BAZ2B: variants seen among roughly 807,000 people sequenced by gnomAD.
BAZ2B encodes the protein bromodomain adjacent to zinc finger domain 2B.
In BAZ2B, 91 loss-of-function variants were observed where a neutral mutation model predicts 246.0. That is an observed-to-expected ratio of 0.37 (90% confidence interval 0.31 to 0.44). BAZ2B has a LOEUF of 0.44. Among genes scored for constraint, BAZ2B ranks in the 20% least tolerant of loss-of-function variants. The pLI is 1.00. For synonymous variants in BAZ2B, 855 were observed against 860.0 expected, an observed-to-expected ratio of 0.99 and a Z score of 0.10; for missense variants, 2,332 against 2,533.7, an observed-to-expected ratio of 0.92 and a Z score of 1.71.
chr2:159,368,190 G>T (rs1410163034), intron 27 of BAZ2B, among the ~76,000 whole-genome samples: 1 of 152,144 alleles, frequency 6.6e-6, no homozygotes, highest in East Asian at 1.9e-4. Context: ...GAGTAACTGA[G>T]ATTACAGGTG....
chr2:159,332,725 C>T (rs779259228), intron 33 of BAZ2B, 39 bp from the exon 34 acceptor site: 2 of 1,603,320 alleles, frequency 1.2e-6, no homozygotes, highest in South Asian at 1.1e-5. Flanking sequence ...TAACGCTCTG[C>T]CATGAATAAT....
At chr2:159,338,176 TC>T (rs2065980071) in intron 31 of BAZ2B, among the ~76,000 whole-genome samples, 4 of 152,282 alleles carry the variant, frequency 2.6e-5, no homozygotes, top group Admixed American at 2.6e-4. Context: ...TCACCATTTT[TC>T]CTTTGACTGC....
intron 13 of BAZ2B, among the ~76,000 whole-genome samples, chr2:159,421,912 A>G (rs2068831466): frequency 6.6e-6 from 1 of 152,174 alleles, no homozygotes; most frequent in African/African-American, 2.4e-5. Flanking sequence ...AAAAATCAAT[A>G]TACAAAAATC....
At chr2:159,642,039 T>C in the BAZ2B span, among the ~76,000 whole-genome samples, 1 of 152,088 alleles carries the variant, frequency 6.6e-6, no homozygotes, top group Non-Finnish European at 1.5e-5. Context: ...ATTTTTCTAT[T>C]TTAGTTTGCA....
the BAZ2B span, among the ~76,000 whole-genome samples, chr2:159,688,130 C>G: frequency 6.6e-6 from 1 of 152,148 alleles, no homozygotes; most frequent in Non-Finnish European, 1.5e-5. Flanking sequence ...ACCTTGATCT[C>G]CCTGACTCAA....
intron 19 of BAZ2B, 92 bp downstream of exon 19, chr2:159,397,253 A>T: frequency 7.8e-7 from 1 of 1,275,076 alleles, no homozygotes; most frequent in Non-Finnish European, 1.1e-6. Flanking sequence ...CAGAAATTTT[A>T]AAGAAAATAT....
intron 1 of BAZ2B, among the ~76,000 whole-genome samples, chr2:159,582,648 G>C (rs1281688605): frequency 6.6e-6 from 1 of 152,118 alleles, no homozygotes; most frequent in Non-Finnish European, 1.5e-5. Context: ...GCCTCCCAAA[G>C]TGCTGGGATT....
the BAZ2B span, among the ~76,000 whole-genome samples, chr2:159,629,782 C>T: frequency 6.6e-6 from 1 of 151,838 alleles, no homozygotes; most frequent in South Asian, 2.1e-4. Flanking sequence ...ACATAACAAA[C>T]CTGCACATTC....
intron 2 of BAZ2B, among the ~76,000 whole-genome samples, chr2:159,528,330 A>G (rs1215040839): frequency 6.6e-6 from 1 of 152,112 alleles, no homozygotes; most frequent in Non-Finnish European, 1.5e-5. Flanking sequence ...GGAAAGATGG[A>G]TTTGAGAAAT....
At chr2:159,456,371 T>C (rs975755064) in intron 3 of BAZ2B, among the ~76,000 whole-genome samples, 1 of 152,084 alleles carries the variant, frequency 6.6e-6, no homozygotes, top group African/African-American at 2.4e-5. Flanking sequence ...AATTTCATTA[T>C]TGGGAAGAAG....
intron 1 of BAZ2B, among the ~76,000 whole-genome samples, chr2:159,608,637 T>C (rs1313818149): frequency 6.6e-6 from 1 of 152,028 alleles, no homozygotes; most frequent in East Asian, 1.9e-4. Context: ...CAAAAGGGAG[T>C]GAAGAAGACA....
intron 2 of BAZ2B, among the ~76,000 whole-genome samples, chr2:159,523,789 G>C (rs1040531477): frequency 6.6e-5 from 10 of 152,108 alleles, no homozygotes; most frequent in Non-Finnish European, 1.0e-4. Flanking sequence ...AGGAAGCCCT[G>C]ATCTAGTACC....
At chr2:159,670,161 G>A in the BAZ2B span, among the ~76,000 whole-genome samples, 1 of 151,952 alleles carries the variant, frequency 6.6e-6, no homozygotes. Context: ...ACTAGAGATG[G>A]GTTTTTACTG....
intron 1 of BAZ2B, among the ~76,000 whole-genome samples, chr2:159,573,787 T>A (rs1263644257): frequency 6.6e-6 from 1 of 152,140 alleles, no homozygotes; most frequent in Non-Finnish European, 1.5e-5. Flanking sequence ...TAAAAAACAC[T>A]TATAACTACT....
the BAZ2B span, among the ~76,000 whole-genome samples, chr2:159,673,884 G>A: frequency 6.6e-6 from 1 of 151,840 alleles, no homozygotes; most frequent in African/African-American, 2.4e-5. Context: ...TCCTGTAGAG[G>A]AATGATAACC....
chr2:159,597,866 C>T (rs1315846478), intron 1 of BAZ2B, among the ~76,000 whole-genome samples: 2 of 152,204 alleles, frequency 1.3e-5, no homozygotes, highest in Non-Finnish European at 2.9e-5. Flanking sequence ...AATATCCTAA[C>T]AACTCTCTAT....
intron 31 of BAZ2B, among the ~76,000 whole-genome samples, chr2:159,340,244 A>G (rs2066414255): frequency 1.3e-5 from 2 of 152,172 alleles, no homozygotes; most frequent in South Asian, 4.1e-4. Flanking sequence ...AAAGGAAAAC[A>G]AAGAAAAAGG....
intron 1 of BAZ2B, among the ~76,000 whole-genome samples, chr2:159,596,147 T>C (rs1487830124): frequency 1.3e-5 from 2 of 152,214 alleles, no homozygotes; most frequent in Non-Finnish European, 2.9e-5. Flanking sequence ...AACGGATTCT[T>C]GTGCATTTTG....
chr2:159,523,291 A>C (rs1453891190), intron 2 of BAZ2B, among the ~76,000 whole-genome samples: 3 of 152,100 alleles, frequency 2.0e-5, no homozygotes, highest in African/African-American at 7.2e-5. Flanking sequence ...AGTCTTAGCA[A>C]CTCAGGACAT....
Sources: allele counts gnomAD v4.1 joint callset (sites outside exome capture counted in the v4.1 genomes callset), GRCh38; gene constraint gnomAD v4.1.1; transcripts MANE v1.5; gene names NCBI Gene and HGNC (gene_info 2026-07-23, HGNC 2026-07-21).